The following MYRIP variants were observed in gnomAD, a reference collection of about 807,000 sequenced individuals.
MYRIP encodes rab effector MyRIP.
A neutral mutation model predicts 98.0 loss-of-function variants in MYRIP; 49 were observed. The ratio of observed to expected loss-of-function variants is 0.50; its 90% CI spans 0.40 to 0.63. The LOEUF (loss-of-function observed/expected upper bound fraction) is 0.63, where lower values mean the gene tolerates loss of function less well. Among genes scored for constraint, MYRIP ranks in the 30% least tolerant of loss-of-function variants. The pLI, the probability that MYRIP is intolerant of heterozygous loss-of-function variation, is 0.00. For missense variants in MYRIP, 1,004 were observed against 1,058.2 expected, an observed-to-expected ratio of 0.95 and a Z score of 0.71; for synonymous variants, 404 against 409.5, an observed-to-expected ratio of 0.99 and a Z score of 0.16.
At chr3:39,980,104 C>A (rs931804821) in intron 2 of MYRIP, among the ~76,000 whole-genome samples, 1 of 152,146 alleles carries the variant, frequency 6.6e-6, no homozygotes, top group African/African-American at 2.4e-5. Context: ...TTGGGTTCTC[C>A]AAAAGCAAAG....
chr3:39,920,386 A>G (rs1267562223), intron 2 of MYRIP, among the ~76,000 whole-genome samples: 1 of 152,156 alleles, frequency 6.6e-6, no homozygotes, highest in Non-Finnish European at 1.5e-5. Context: ...TTTACAACTG[A>G]TGTTTAATTG....
At chr3:39,946,800 A>T (rs1944914742) in intron 2 of MYRIP, among the ~76,000 whole-genome samples, 1 of 152,134 alleles carries the variant, frequency 6.6e-6, no homozygotes, top group African/African-American at 2.4e-5. Context: ...TGACCCATGG[A>T]AACTGAGGGA....
intron 8 of MYRIP, among the ~76,000 whole-genome samples, chr3:40,172,070 G>A (rs888408277): frequency 3.9e-5 from 6 of 152,202 alleles, no homozygotes; most frequent in Admixed American, 2.0e-4. Context: ...CTCCCACAAC[G>A]TGGGAATTAT....
intron 3 of MYRIP, among the ~76,000 whole-genome samples, chr3:40,114,010 T>G (rs1307065575): frequency 6.6e-6 from 1 of 152,200 alleles, no homozygotes; most frequent in Non-Finnish European, 1.5e-5. Context: ...TTTATAATCT[T>G]AGCGTGGAGG....
chr3:39,896,926 T>C (rs1943623449), intron 1 of MYRIP, among the ~76,000 whole-genome samples: 1 of 152,182 alleles, frequency 6.6e-6, no homozygotes, highest in African/African-American at 2.4e-5. Context: ...TCCTTCCTCA[T>C]GTTAGTTATT....
At chr3:40,052,268 T>C (rs1050328640) in intron 3 of MYRIP, among the ~76,000 whole-genome samples, 24 of 152,088 alleles carry the variant, frequency 1.6e-4, no homozygotes, top group African/African-American at 5.8e-4. Flanking sequence ...AGCGCCCACA[T>C]ATGAATGAGA....
At chr3:39,876,951 T>C (rs1242684043) in intron 1 of MYRIP, among the ~76,000 whole-genome samples, 6 of 152,200 alleles carry the variant, frequency 3.9e-5, no homozygotes, top group African/African-American at 9.6e-5. Context: ...CAACTTGGTT[T>C]GATTCTCCCC....
intron 1 of MYRIP, among the ~76,000 whole-genome samples, chr3:39,863,444 A>G (rs1396085838): frequency 4.6e-5 from 7 of 152,112 alleles, no homozygotes. Context: ...AAATAAACAC[A>G]ATAAGAAATG....
intron 1 of MYRIP, among the ~76,000 whole-genome samples, chr3:39,857,496 G>A (rs753588308): frequency 6.6e-6 from 1 of 152,074 alleles, no homozygotes; most frequent in South Asian, 2.1e-4. Context: ...TCTCAATCAA[G>A]CAGAGGAAAG....
intron 13 of MYRIP, chr3:40,248,582 C>A (rs1333465113): frequency 6.6e-6 from 1 of 152,202 alleles, no homozygotes; most frequent in Non-Finnish European, 1.5e-5. Flanking sequence ...GAAAAATTAG[C>A]CCTTTCTTAT....
chr3:39,827,063 G>A lies in MYRIP; in HGVS notation c.-31+17147G>A, dbSNP rs75841944. 4.2e-4 allele frequency among the ~76,000 whole-genome samples: 64 copies of A among 152,146 alleles called. No homozygotes were observed. The East Asian group carries it at 7.9e-3, about 19-fold the overall frequency. On this transcript the variant is annotated intron_variant, in intron 1 of 16. Transcript: ENST00000302541. ...ATGGGTGTCTTTCCAGGTAAGGTGAGTTTCTTGTATACAGCATATAGTAGG... is the reference window on the plus strand; with the variant it reads ...ATGGGTGTCTTTCCAGGTAAGGTGAATTTCTTGTATACAGCATATAGTAGG...
Position 40,037,491 on chromosome 3 carries a change from T to C in MYRIP, c.111-6559T>C, listed in dbSNP as rs185646247. On this transcript the variant is annotated intron_variant, in intron 2 of 16. Transcript: ENST00000302541. ...CTTTATGTTCCTTTTACAACACATA[T>C]TGCCCCAGATGGTCTCCCTCACAAA... is the stretch of plus-strand genomic sequence containing the variant. Among the ~76,000 whole-genome samples, 226 of 152,146 alleles carry C rather than the reference T, an allele frequency of 1.5e-3. 1 individual carries two copies. The highest frequency in any genetic ancestry group is 5.3e-3 in the African/African-American group (220 of 41,544).
intron 2 of MYRIP, among the ~76,000 whole-genome samples, chr3:39,924,043 A>G (rs1025185090): frequency 1.3e-5 from 2 of 152,116 alleles, no homozygotes; most frequent in African/African-American, 2.4e-5. Context: ...AAAATGTTCA[A>G]GTAATCTACA....
intron 1 of MYRIP, among the ~76,000 whole-genome samples, chr3:39,830,984 A>C (rs1941428404): frequency 6.6e-6 from 1 of 152,196 alleles, no homozygotes; most frequent in Non-Finnish European, 1.5e-5. Flanking sequence ...CATGTTATGG[A>C]ATACAATGTC....
rs1032904557 is a variant in MYRIP at position 39,994,289 on chromosome 3, T to C, written c.111-49761T>C. Among the ~76,000 whole-genome samples the C allele has an allele frequency of 3.3e-5, 5 of 152,340 alleles. No individual in the cohort carries two copies. The East Asian group carries it at 9.7e-4, about 29-fold the overall frequency. On this transcript the variant is annotated intron_variant, in intron 2 of 16. Coordinates refer to ENST00000302541, the MANE Select transcript of MYRIP (RefSeq NM_015460.4). ...GGGGTCAGGGAATTCACTTTCCTAG[T>C]CAAAGAAAGGGGTGACAGATGGCAC...
chr3:39,913,031 C>G (rs1055553689), intron 2 of MYRIP, among the ~76,000 whole-genome samples: 1 of 129,028 alleles, frequency 7.8e-6, no homozygotes, highest in African/African-American at 3.0e-5. Context: ...CAGAGCAAGA[C>G]TCCATCTTAA....
chr3:39,834,108 C>T (rs1002892819), intron 1 of MYRIP, among the ~76,000 whole-genome samples: 2 of 152,166 alleles, frequency 1.3e-5, no homozygotes, highest in African/African-American at 2.4e-5. Flanking sequence ...CATGACTGCT[C>T]AGTACAAAAC....
chr3:39,822,469 T>C lies in MYRIP; in HGVS notation c.-31+12553T>C, dbSNP rs181269400. Among the ~76,000 whole-genome samples the C allele has an allele frequency of 6.3e-5, 9 of 142,518 alleles. No homozygotes were observed. In the East Asian group the frequency reaches 2.6e-3, roughly 41 times the overall value. The allele number at this position is 142,518 out of a possible 152,430, so 93.5% of individuals were successfully genotyped here. Reference sequence around the variant, plus strand: ...AACATTATGAGATTTTTTTTTGCGATTTTTTTTTTCTCATCAGCTCTCATT... The same window carrying C: ...AACATTATGAGATTTTTTTTTGCGACTTTTTTTTTCTCATCAGCTCTCATT... On this transcript the variant is annotated intron_variant, in intron 1 of 16. Transcript: ENST00000302541.
chr3:39,811,728 C>T (rs1043575971), intron 1 of MYRIP, among the ~76,000 whole-genome samples: 3 of 151,406 alleles, frequency 2.0e-5, no homozygotes. Context: ...TGGTGTGTAT[C>T]TCTTGGTGGC....
Sources: gnomAD v4.1 joint callset for allele counts (sites outside exome capture counted in the v4.1 genomes callset) on GRCh38, gnomAD v4.1.1 for gene constraint, MANE v1.5 for transcripts, NCBI Gene and HGNC (gene_info 2026-07-23, HGNC 2026-07-21) for gene names.